The following NRG3 variants were observed in gnomAD, a reference collection of about 807,000 sequenced individuals.
NRG3 encodes neuregulin 3.
In NRG3, 31 loss-of-function variants were observed where a neutral mutation model predicts 66.9. That is an observed-to-expected ratio of 0.46 (90% CI 0.35 to 0.63). NRG3 has a LOEUF of 0.63. NRG3 is among the 20% of genes least tolerant of loss of function. The probability of loss-of-function intolerance (pLI) is 0.00; values close to 1 mark genes in which losing one functional copy is unlikely to be tolerated. For synonymous variants in NRG3, 393 were observed against 359.4 expected, an observed-to-expected ratio of 1.09 and a Z score of -1.06; for missense variants, 910 against 878.9, an observed-to-expected ratio of 1.04 and a Z score of -0.45.
chr10:82,764,368 A>G (rs937638039), intron 3 of NRG3, among the ~76,000 whole-genome samples: 25 of 134,328 alleles, frequency 1.9e-4, no homozygotes, highest in South Asian at 4.9e-4. Context: ...ACATTGCCCT[A>G]TGCAAATTTT....
At chr10:81,881,728 C>T (rs903087229) in intron 1 of NRG3, among the ~76,000 whole-genome samples, 3 of 152,104 alleles carry the variant, frequency 2.0e-5, no homozygotes, top group African/African-American at 7.2e-5. Flanking sequence ...AACATTCAGC[C>T]TCCCATGTCT....
intron 2 of NRG3, among the ~76,000 whole-genome samples, chr10:82,503,310 C>T (rs951883687): frequency 6.6e-6 from 1 of 152,092 alleles, no homozygotes; most frequent in African/African-American, 2.4e-5. Context: ...AGATCAGACC[C>T]ACATGGACTG....
At chr10:82,407,872 C>A (rs1189791150) in intron 2 of NRG3, among the ~76,000 whole-genome samples, 1 of 151,920 alleles carries the variant, frequency 6.6e-6, no homozygotes, top group East Asian at 1.9e-4. Flanking sequence ...AGTTCAAGAC[C>A]AGCCTGGCCA....
At chr10:82,444,589 C>T (rs2090617564) in intron 2 of NRG3, among the ~76,000 whole-genome samples, 3 of 152,030 alleles carry the variant, frequency 2.0e-5, no homozygotes, top group East Asian at 1.9e-4. Flanking sequence ...GAGGGGAGGG[C>T]CTTCTTGATT....
chr10:82,484,725 A>G (rs773136837), intron 2 of NRG3, among the ~76,000 whole-genome samples: 1 of 152,202 alleles, frequency 6.6e-6, no homozygotes, highest in African/African-American at 2.4e-5. Context: ...AGAATTTAAT[A>G]TGAAGATCTT....
intron 1 of NRG3, among the ~76,000 whole-genome samples, chr10:81,953,033 C>T (rs1589578679): frequency 6.6e-6 from 1 of 152,270 alleles, no homozygotes; most frequent in East Asian, 1.9e-4. Context: ...ATTTCATCTG[C>T]CATCCATAGC....
intron 1 of NRG3, among the ~76,000 whole-genome samples, chr10:81,998,195 T>C (rs561859321): frequency 1.3e-5 from 2 of 152,200 alleles, no homozygotes; most frequent in Non-Finnish European, 2.9e-5. Context: ...GTAATACACA[T>C]GGAATGTGAT....
chr10:82,698,638 A>G (rs1388836166), intron 2 of NRG3, among the ~76,000 whole-genome samples: 2 of 152,080 alleles, frequency 1.3e-5, no homozygotes, highest in Non-Finnish European at 2.9e-5. Context: ...GCTCTACTGC[A>G]CTCTTGTTCT....
chr10:82,813,211 C>CTTTTTTTTTT (rs58875697), intron 3 of NRG3, among the ~76,000 whole-genome samples: 22 of 112,142 alleles, frequency 2.0e-4, no homozygotes, highest in South Asian at 3.1e-4. Context: ...CTCTGTTTCT[C>CTTTTTTTTTT]TTTTTTTTTT....
At chr10:82,887,437 C>G (rs1842821676) in intron 4 of NRG3, among the ~76,000 whole-genome samples, 2 of 152,148 alleles carry the variant, frequency 1.3e-5, no homozygotes, top group Non-Finnish European at 2.9e-5. Context: ...TTTCCAATCC[C>G]TGCTGTATAG....
chr10:82,799,976 C>G (rs1015799952), intron 3 of NRG3: 5 of 151,992 alleles, frequency 3.3e-5, no homozygotes, highest in Non-Finnish European at 5.9e-5. Flanking sequence ...AATAGAAGAG[C>G]TGGACCCGCC....
intron 2 of NRG3, among the ~76,000 whole-genome samples, chr10:82,398,526 T>TGTGTGAGAGAGAGAGA (rs373924370): frequency 7.3e-6 from 1 of 136,518 alleles, no homozygotes; most frequent in Non-Finnish European, 1.6e-5. Context: ...TGTGTGTGTG[T>TGTGTGAGAGAGAGAGA]GAGAGAGAGA....
At chr10:82,236,710 C>CTTT (rs370359467) in intron 1 of NRG3, among the ~76,000 whole-genome samples, 2,105 of 93,452 alleles carry the variant, frequency 0.023, 90 homozygotes, top group African/African-American at 0.034. Context: ...AAAACTAGAA[C>CTTT]TTTTTTTTTT....
At chr10:82,561,380 C>A in intron 2 of NRG3, among the ~76,000 whole-genome samples, 1 of 152,072 alleles carries the variant, frequency 6.6e-6, no homozygotes, top group East Asian at 1.9e-4. Flanking sequence ...GGCCAGGCAC[C>A]ATGGCTCACG....
chr10:82,172,976 G>A lies in NRG3; in HGVS notation c.824-185763G>A, dbSNP rs181151174. ...AATCAACAGGGAGTCTTCACCACAG[G>A]CTCCTAATATGAAAGTGTCTGTGCA... On this transcript the variant is annotated intron_variant, in intron 1 of 8. Transcript: ENST00000372141. Among the ~76,000 whole-genome samples the A allele has an allele frequency of 6.6e-5, 10 of 152,198 alleles. No individual in the cohort carries two copies. The East Asian group carries it at 1.9e-3, about 29-fold the overall frequency.
At chr10:82,650,170 T>A (rs2051297334) in intron 2 of NRG3, among the ~76,000 whole-genome samples, 1 of 152,204 alleles carries the variant, frequency 6.6e-6, no homozygotes, top group Non-Finnish European at 1.5e-5. Flanking sequence ...ACGCTTCTTC[T>A]TTGTCATGAT....
intron 2 of NRG3, among the ~76,000 whole-genome samples, chr10:82,648,032 G>C (rs1429282227): frequency 6.7e-6 from 1 of 148,614 alleles, no homozygotes; most frequent in African/African-American, 2.5e-5. Context: ...GTCAATTTTG[G>C]CTTTTGTTGC....
chr10:82,695,412 A>T (rs2055293309), intron 2 of NRG3, among the ~76,000 whole-genome samples: 1 of 152,156 alleles, frequency 6.6e-6, no homozygotes, highest in African/African-American at 2.4e-5. Context: ...TAGTCACGGA[A>T]TCGTTAAATA....
intron 2 of NRG3, among the ~76,000 whole-genome samples, chr10:82,548,523 T>A (rs867403498): frequency 0.016 from 2,186 of 139,584 alleles, 72 homozygotes; most frequent in Admixed American, 0.022. Flanking sequence ...ATTCTGTCTC[T>A]CACACACACA....
Sources: gnomAD v4.1 joint callset for allele counts (sites outside exome capture counted in the v4.1 genomes callset) on GRCh38, gnomAD v4.1.1 for gene constraint, MANE v1.5 for transcripts, NCBI Gene and HGNC (gene_info 2026-07-23, HGNC 2026-07-21) for gene names.